EYS: variants seen among roughly 807,000 people sequenced by gnomAD.
EYS encodes protein eyes shut homolog.
In EYS, 250 loss-of-function variants were observed where a neutral mutation model predicts 282.1. The ratio of observed to expected loss-of-function variants is 0.89; its 90% CI spans 0.80 to 0.98. EYS has a LOEUF of 0.98. Among genes scored for constraint, EYS ranks in the 50% least tolerant of loss-of-function variants. The probability of loss-of-function intolerance (pLI) is 0.00; values close to 1 mark genes in which losing one functional copy is unlikely to be tolerated. For missense variants in EYS, 4,016 were observed against 3,709.0 expected, an observed-to-expected ratio of 1.08 and a Z score of -2.15; for synonymous variants, 1,355 against 1,282.9, an observed-to-expected ratio of 1.06 and a Z score of -1.20.
At chr6:64,292,879 T>G (rs1027527618) in intron 30 of EYS, among the ~76,000 whole-genome samples, 16 of 152,166 alleles carry the variant, frequency 1.1e-4, no homozygotes, top group African/African-American at 3.9e-4. Flanking sequence ...TGGTCAGTAT[T>G]ATTGTTATCA....
chr6:64,810,710 G>A (rs978533240), intron 22 of EYS, among the ~76,000 whole-genome samples: 9 of 151,980 alleles, frequency 5.9e-5, no homozygotes, highest in South Asian at 2.1e-4. Flanking sequence ...TAATAAAATA[G>A]TTTTCCTTGC....
At chr6:64,388,439 T>A (rs1772982148) in intron 29 of EYS, among the ~76,000 whole-genome samples, 4 of 152,130 alleles carry the variant, frequency 2.6e-5, no homozygotes, top group Admixed American at 2.6e-4. Context: ...ACACATACTA[T>A]AGCCATAAGA....
At chr6:65,688,276 C>T (rs964201355) in intron 1 of EYS, among the ~76,000 whole-genome samples, 2 of 152,116 alleles carry the variant, frequency 1.3e-5, no homozygotes, top group African/African-American at 4.8e-5. Flanking sequence ...AGAAATAATG[C>T]TGCATATCTA....
chr6:64,179,349 G>A (rs1582389209), intron 31 of EYS, among the ~76,000 whole-genome samples: 2 of 152,048 alleles, frequency 1.3e-5, no homozygotes, highest in South Asian at 2.1e-4. Flanking sequence ...AAGAAATTAA[G>A]TTTTTAAAAA....
chr6:64,696,494 G>A (rs919371471), intron 22 of EYS, among the ~76,000 whole-genome samples: 10 of 152,022 alleles, frequency 6.6e-5, no homozygotes, highest in African/African-American at 2.4e-4. Flanking sequence ...AGATACAAGA[G>A]TCCCCCAAAA....
intron 33 of EYS, among the ~76,000 whole-genome samples, chr6:64,060,936 T>C (rs1490757374): frequency 1.3e-5 from 2 of 152,294 alleles, no homozygotes; most frequent in African/African-American, 2.4e-5. Context: ...CACCGAGCTA[T>C]TAAAAAGTGG....
chr6:64,645,776 C>CT (rs1185778630), intron 22 of EYS, among the ~76,000 whole-genome samples: 1 of 152,016 alleles, frequency 6.6e-6, no homozygotes, highest in East Asian at 1.9e-4. Flanking sequence ...TTTTAATTCT[C>CT]TTTTTTTAGT....
chr6:65,422,437 T>C (rs1197622239), intron 5 of EYS, among the ~76,000 whole-genome samples: 1 of 151,866 alleles, frequency 6.6e-6, no homozygotes, highest in Non-Finnish European at 1.5e-5. Flanking sequence ...TTGGATCCAC[T>C]TTAATACTGA....
chr6:63,871,486 C>A (rs1311065412), intron 35 of EYS, among the ~76,000 whole-genome samples: 1 of 151,910 alleles, frequency 6.6e-6, no homozygotes, highest in Non-Finnish European at 1.5e-5. Flanking sequence ...CATGGTGAAA[C>A]CCCATCTCTA....
In EYS at chr6:65,369,955, T is replaced by C. The variant is rs1765073292; in HGVS notation, c.1299+14431A>G. Among the ~76,000 whole-genome samples, 3 of 151,616 alleles carry C rather than the reference T, an allele frequency of 2.0e-5. No homozygotes were observed. In the South Asian group the frequency reaches 6.2e-4, roughly 31 times the overall value. On this transcript the variant is annotated intron_variant, in intron 8 of 42. Coordinates refer to ENST00000503581, the MANE Select transcript of EYS (RefSeq NM_001142800.2). ...AGTCCCTAAGTGTGAAGAAACTGTCTCCGAAGACTGATAAATAATGAATAT... is the reference window on the plus strand; with the variant it reads ...AGTCCCTAAGTGTGAAGAAACTGTCCCCGAAGACTGATAAATAATGAATAT...
At chr6:65,614,915 T>C (rs1276655688) in intron 2 of EYS, among the ~76,000 whole-genome samples, 1 of 152,106 alleles carries the variant, frequency 6.6e-6, no homozygotes, top group Non-Finnish European at 1.5e-5. Context: ...TGCATGTTTG[T>C]GTGTGCATGT....
intron 30 of EYS, among the ~76,000 whole-genome samples, chr6:64,251,005 T>C (rs532273301): frequency 3.3e-5 from 5 of 152,226 alleles, no homozygotes; most frequent in South Asian, 2.1e-4. Flanking sequence ...GGACAGTTCA[T>C]AGATTAAAGC....
intron 15 of EYS, among the ~76,000 whole-genome samples, chr6:64,914,949 G>A (rs995239199): frequency 1.3e-4 from 19 of 151,924 alleles, no homozygotes; most frequent in African/African-American, 4.4e-4. Flanking sequence ...ATACCTAAGG[G>A]TATGTTATTT....
At chr6:65,152,097 A>G (rs1193833511) in intron 12 of EYS, among the ~76,000 whole-genome samples, 7 of 152,114 alleles carry the variant, frequency 4.6e-5, no homozygotes, top group African/African-American at 1.7e-4. Flanking sequence ...AATATTTCCT[A>G]ATGTTGTTCT....
intron 15 of EYS, among the ~76,000 whole-genome samples, chr6:64,935,158 A>G (rs558275462): frequency 7.7e-4 from 117 of 151,978 alleles, no homozygotes; most frequent in African/African-American, 2.8e-3. Flanking sequence ...CAATAAATGT[A>G]ACAAGGGTGT....
chr6:65,117,007 T>G (rs4547990), intron 12 of EYS, among the ~76,000 whole-genome samples: 39,685 of 151,868 alleles, frequency 0.26, 6,334 homozygotes, highest in African/African-American at 0.44. Flanking sequence ...GCACTTTTCT[T>G]TTGTCTTGAA....
At chr6:63,913,177 A>G (rs559363112) in intron 35 of EYS, among the ~76,000 whole-genome samples, 1 of 152,346 alleles carries the variant, frequency 6.6e-6, no homozygotes, top group African/African-American at 2.4e-5. Flanking sequence ...AGAGTTATAA[A>G]TGTCTCAGTT....
chr6:64,788,804 T>C (rs535906448), intron 22 of EYS, among the ~76,000 whole-genome samples: 1 of 152,316 alleles, frequency 6.6e-6, no homozygotes, highest in Non-Finnish European at 1.5e-5. Context: ...TTAATACATC[T>C]TTTCTCTTGT....
chr6:64,871,221 A>C (rs1260447763), intron 19 of EYS, among the ~76,000 whole-genome samples: 1 of 151,762 alleles, frequency 6.6e-6, no homozygotes, highest in Non-Finnish European at 1.5e-5. Context: ...ATAACATGCC[A>C]TTTGCATAAT....
Sources: gnomAD v4.1 joint callset for allele counts (sites outside exome capture counted in the v4.1 genomes callset) on GRCh38, gnomAD v4.1.1 for gene constraint, MANE v1.5 for transcripts, NCBI Gene and HGNC (gene_info 2026-07-23, HGNC 2026-07-21) for gene names.